Variants in POLR3G observed in about 807,000 individuals in gnomAD.
POLR3G encodes RNA polymerase III subunit G, also known as DNA-directed RNA polymerase III subunit RPC7.
A neutral mutation model predicts 30.1 loss-of-function variants in POLR3G; 28 were observed. That is an observed-to-expected ratio of 0.93 (90% CI 0.69 to 1.27). POLR3G has a LOEUF of 1.27. Ranked by LOEUF, POLR3G falls within the 50% of genes most tolerant of loss-of-function variation. The pLI, the probability that POLR3G is intolerant of heterozygous loss-of-function variation, is 0.00. For missense variants in POLR3G, 254 were observed against 264.6 expected (o/e 0.96, Z 0.28); for synonymous variants, 79 against 82.5 (o/e 0.96, Z 0.23).
At chr5:90,502,321 C>A in intron 6 of POLR3G, 2 of 947,728 alleles carry the variant, frequency 2.1e-6, no homozygotes, top group East Asian at 2.3e-4. Flanking sequence ...ACATATGTAA[C>A]TCTTTTAAAA....
In POLR3G at chr5:90,513,058, G is replaced by A. The variant is rs977717451; in HGVS notation, c.*919G>A. ...ATGCAAAATGAACTCAGGTCATTTTGAAATTAATATTAATATTTTTGTTGT... is the reference window on the plus strand; with the variant it reads ...ATGCAAAATGAACTCAGGTCATTTTAAAATTAATATTAATATTTTTGTTGT... On this transcript the variant is annotated 3_prime_UTR_variant, in exon 8 of 8. Coordinates refer to ENST00000651687, the MANE Select transcript of POLR3G (RefSeq NM_006467.3). 1.3e-5 allele frequency: 2 copies of A among 151,626 alleles called. No homozygotes were observed. Among genetic ancestry groups the A allele is most frequent in the African/African-American group, 4.8e-5 (2 of 41,354 alleles). The allele number at this position is 151,626 out of a possible 1,614,324, so 9.4% of individuals were successfully genotyped here.
Position 90,506,654 on chromosome 5 carries a change from G to C in POLR3G, c.565G>C (p.Asp189His). ...TGATGCCGCAGAACAGGAGGAATAT[G>C]ATGAAGAAGAGCAAGAAGAGGTAAT... ...DDDAAEQEEYDEEEQEEENDY... is the reference protein window; with the variant it reads ...DDDAAEQEEYHEEEQEEENDY... The change falls in exon 7 of 8, where the codon GAT becomes CAT. Residue 189 changes from aspartate (D) to histidine (H), a missense_variant. Physicochemically the swap from Asp to His is moderately conservative, Grantham distance 81. Transcript: ENST00000651687. 1 of 1,609,158 alleles carries C rather than the reference G, an allele frequency of 6.2e-7. No homozygotes were observed. Among genetic ancestry groups the C allele is most frequent in the African/African-American group, 1.3e-5 (1 of 74,700 alleles).
intron 6 of POLR3G, 105 bp downstream of exon 6, chr5:90,502,093 G>A: frequency 6.7e-7 from 1 of 1,490,592 alleles, no homozygotes; most frequent in Non-Finnish European, 8.9e-7. Flanking sequence ...TTTTAATAAT[G>A]TAAATTTGGC....
chr5:90,483,902 A>G (rs1021617741), intron 1 of POLR3G, among the ~76,000 whole-genome samples: 1 of 152,200 alleles, frequency 6.6e-6, no homozygotes, highest in African/African-American at 2.4e-5. Flanking sequence ...CTTTAAGGCA[A>G]ATATTTTTAA....
At position 90,495,829 on chromosome 5, in the gene POLR3G, G is replaced by A. The variant is rs1751958041; in HGVS notation, c.304+96G>A. 5.0e-6 allele frequency: 7 copies of A among 1,404,184 alleles called. No individual in the cohort carries two copies. The South Asian group carries it at 6.4e-5, about 13-fold the overall frequency. 87.0% of individuals were successfully genotyped at this position (1,404,184 alleles called of 1,614,324 possible). The stretch of plus-strand genomic sequence containing the variant: ...GAATAAGTTTTCTATTTTTACCATA[G>A]GAAAACTGAGTCTGGTTCTTTTATT... On this transcript the variant is annotated intron_variant, in intron 4 of 7. Transcript: ENST00000651687.
rs1335017991 is a variant in POLR3G at position 90,514,482 on chromosome 5, A to C, written c.*2343A>C. 1 of 152,214 alleles carries C rather than the reference A, an allele frequency of 6.6e-6. No homozygotes were observed. Among genetic ancestry groups the C allele is most frequent in the Non-Finnish European group, 1.5e-5 (1 of 68,026 alleles). 9.4% of individuals were successfully genotyped at this position (152,214 alleles called of 1,614,324 possible). ...AGAGAAAACTAATTTGTTAATATAG[A>C]TCTTAACTAGTAACTATTAAGCAGG... On this transcript the variant is annotated 3_prime_UTR_variant, in exon 8 of 8. Transcript: ENST00000651687.
intron 5 of POLR3G, among the ~76,000 whole-genome samples, chr5:90,501,572 A>G (rs1752247588): frequency 6.6e-6 from 1 of 152,166 alleles, no homozygotes; most frequent in Admixed American, 6.5e-5. Flanking sequence ...GCCTTTCACT[A>G]TACTCTTGGT....
In POLR3G at chr5:90,497,641, TTATTTTA is replaced by T. The variant is rs1445762641; in HGVS notation, c.305-13_305-7del. On this transcript the variant is annotated splice_region_variant and splice_polypyrimidine_tract_variant and intron_variant, in intron 4 of 7. Coordinates refer to ENST00000651687, the MANE Select transcript of POLR3G (RefSeq NM_006467.3). ...AGAGGAAACTGCAATTTTTTATTTT[TTATTTTA>T]TGTACAGATTGGAGAAGACTTCCAA... 6.3e-7 allele frequency: 1 copy of T among 1,577,358 alleles called. No homozygotes were observed. Among genetic ancestry groups the T allele is most frequent in the Non-Finnish European group, 8.6e-7 (1 of 1,167,892 alleles).
chr5:90,483,666 G>A (rs1307571650), intron 1 of POLR3G, among the ~76,000 whole-genome samples: 1 of 152,102 alleles, frequency 6.6e-6, no homozygotes, highest in Non-Finnish European at 1.5e-5. Context: ...GGGCATGGTG[G>A]TGCGCGCCTA....
At chr5:90,487,872 G>T (rs1751525964) in intron 2 of POLR3G, 128 bp from the exon 3 acceptor site, 1 of 651,612 alleles carries the variant, frequency 1.5e-6, no homozygotes, top group South Asian at 3.9e-5. Context: ...CTTTTAAGTT[G>T]GTTGTAAAAC....
intron 1 of POLR3G, among the ~76,000 whole-genome samples, chr5:90,484,681 A>T (rs771585666): frequency 6.6e-6 from 1 of 152,168 alleles, no homozygotes; most frequent in Admixed American, 6.5e-5. Context: ...GCCAAAACCA[A>T]TGCCACTCCT....
chr5:90,500,538 C>T (rs1752197370), intron 5 of POLR3G, among the ~76,000 whole-genome samples: 1 of 152,046 alleles, frequency 6.6e-6, no homozygotes, highest in African/African-American at 2.4e-5. Flanking sequence ...TTATTGAGAT[C>T]TTGTTCATAT....
chr5:90,507,249 C>G (rs1752529741), intron 7 of POLR3G, among the ~76,000 whole-genome samples: 1 of 152,222 alleles, frequency 6.6e-6, no homozygotes, highest in Non-Finnish European at 1.5e-5. Context: ...ACCACAGCCT[C>G]TTCGGGACTT....
At chr5:90,490,598 G>A in intron 3 of POLR3G, 1 of 392,218 alleles carries the variant, frequency 2.5e-6, no homozygotes, top group South Asian at 1.8e-5. Flanking sequence ...TGTAGAGACG[G>A]GAGTCTTGCT....
At chr5:90,492,774 C>T (rs535990507) in intron 3 of POLR3G, among the ~76,000 whole-genome samples, 5 of 144,334 alleles carry the variant, frequency 3.5e-5, no homozygotes, top group South Asian at 2.2e-4. Context: ...CCCAGCTACT[C>T]GGGAGACTGA....
chr5:90,499,455 A>G (rs1274788297), intron 5 of POLR3G, among the ~76,000 whole-genome samples: 1 of 152,224 alleles, frequency 6.6e-6, no homozygotes, highest in Non-Finnish European at 1.5e-5. Flanking sequence ...CGTTTTTGAC[A>G]TGTTGGTTAT....
chr5:90,484,285 G>GAGAACAGCA (rs1371144294), intron 1 of POLR3G, among the ~76,000 whole-genome samples: 33 of 152,204 alleles, frequency 2.2e-4, no homozygotes, highest in Non-Finnish European at 4.7e-4. Flanking sequence ...GAGTGATGCT[G>GAGAACAGCA]CTGCAGACAG....
chr5:90,480,306 G>C (rs1210804733), intron 1 of POLR3G, among the ~76,000 whole-genome samples: 7 of 152,156 alleles, frequency 4.6e-5, no homozygotes, highest in Non-Finnish European at 8.8e-5. Context: ...GACTCTCTCT[G>C]AGCTCTGCAG....
At chr5:90,499,364 G>A (rs145614681) in intron 5 of POLR3G, among the ~76,000 whole-genome samples, 3 of 152,274 alleles carry the variant, frequency 2.0e-5, no homozygotes, top group East Asian at 1.9e-4. Context: ...CTGGTATTTC[G>A]GAAGGTGGTC....
Sources: gnomAD v4.1 joint callset for allele counts (sites outside exome capture counted in the v4.1 genomes callset) on GRCh38, gnomAD v4.1.1 for gene constraint, MANE v1.5 for transcripts, NCBI Gene and HGNC (gene_info 2026-07-23, HGNC 2026-07-21) for gene names.